The following MBOAT2 variants were observed in gnomAD, a reference collection of about 807,000 sequenced individuals.
MBOAT2 encodes the protein membrane bound glycerophospholipid O-acyltransferase 2, also known as membrane-bound glycerophospholipid O-acyltransferase 2.
A neutral mutation model predicts 63.4 loss-of-function variants in MBOAT2; 28 were observed. That is an observed-to-expected ratio of 0.44 (90% CI 0.33 to 0.61). The LOEUF is 0.61. Among genes scored for constraint, MBOAT2 ranks in the 20% least tolerant of loss-of-function variants. The pLI is 0.03. For missense variants in MBOAT2, 470 were observed against 605.8 expected, an observed-to-expected ratio of 0.78 and a Z score of 2.35; for synonymous variants, 211 against 215.6, an observed-to-expected ratio of 0.98 and a Z score of 0.19.
intron 3 of MBOAT2, among the ~76,000 whole-genome samples, chr2:8,912,399 GAAA>G (rs1665850867): frequency 6.7e-6 from 1 of 149,454 alleles, no homozygotes; most frequent in Non-Finnish European, 1.5e-5. Flanking sequence ...AAGAAAGAAA[GAAA>G]GAAAGAAAGA....
In MBOAT2 at chr2:8,864,370, A is replaced by C; in HGVS notation, c.988-136T>G. 9 of 454,914 alleles carry C rather than the reference A, an allele frequency of 2.0e-5. No individual in the cohort carries two copies. In the South Asian group the frequency reaches 3.7e-4, roughly 19 times the overall value. 28.2% of individuals were successfully genotyped at this position (454,914 alleles called of 1,614,324 possible). On this transcript the variant is annotated intron_variant, in intron 9 of 12. Transcript: ENST00000305997. ...TAGTATAGTGATTTCTCTTTCCTTA[A>C]TCTTGTTTTTCTAATGTGGTAACAT... is the stretch of plus-strand genomic sequence containing the variant.
chr2:8,894,072 G>T (rs998574550), intron 4 of MBOAT2, among the ~76,000 whole-genome samples: 1 of 152,038 alleles, frequency 6.6e-6, no homozygotes, highest in Non-Finnish European at 1.5e-5. Flanking sequence ...ATCTACATTA[G>T]GTATTTCTCC....
chr2:8,890,502 C>A (rs888496877), intron 4 of MBOAT2, among the ~76,000 whole-genome samples: 14 of 152,182 alleles, frequency 9.2e-5, no homozygotes, highest in Non-Finnish European at 1.9e-4. Context: ...CAGTGTCTGG[C>A]ACAAAATATG....
At chr2:8,888,122 CA>C (rs1163296046) in intron 4 of MBOAT2, 49 bp from the exon 5 acceptor site, 2 of 1,517,496 alleles carry the variant, frequency 1.3e-6, no homozygotes, top group Non-Finnish European at 1.8e-6. Flanking sequence ...AAAGTTAAAA[CA>C]ATACTTATGA....
chr2:8,871,101 A>AC (rs1465375739), intron 8 of MBOAT2, among the ~76,000 whole-genome samples: 1 of 151,832 alleles, frequency 6.6e-6, no homozygotes, highest in Non-Finnish European at 1.5e-5. Flanking sequence ...CTAAAGCGGT[A>AC]CTCCCACCTC....
At chr2:8,996,986 T>C (rs937949975) in intron 1 of MBOAT2, among the ~76,000 whole-genome samples, 2 of 152,030 alleles carry the variant, frequency 1.3e-5, no homozygotes, top group Non-Finnish European at 2.9e-5. Context: ...GGAAGGACGG[T>C]TAGGATTGGG....
chr2:8,956,385 G>C (rs1191653666), intron 2 of MBOAT2, among the ~76,000 whole-genome samples: 1 of 152,150 alleles, frequency 6.6e-6, no homozygotes, highest in African/African-American at 2.4e-5. Flanking sequence ...GAAAAAAATA[G>C]AGAACTCATT....
At chr2:8,897,101 A>C (rs1664536656) in intron 4 of MBOAT2, among the ~76,000 whole-genome samples, 1 of 152,220 alleles carries the variant, frequency 6.6e-6, no homozygotes, top group Non-Finnish European at 1.5e-5. Flanking sequence ...GGAAAGGGGT[A>C]CACTGTTTTT....
rs116013671 is a variant in MBOAT2 at position 8,878,712 on chromosome 2, C to G, written c.507-1499G>C. 6.6e-3 allele frequency among the ~76,000 whole-genome samples: 1,009 copies of G among 152,326 alleles called. 9 individuals carry two copies. Among genetic ancestry groups the G allele is most frequent in the Middle Eastern group, 0.024 (7 of 294 alleles). On this transcript the variant is annotated intron_variant, in intron 6 of 12. Transcript: ENST00000305997. Reference sequence around the variant, plus strand: ...AATAGTGATTCCTGTCCATCTGATACTATCTGGGTTACCACTCAGCCCAAA... The same window carrying G: ...AATAGTGATTCCTGTCCATCTGATAGTATCTGGGTTACCACTCAGCCCAAA...
At chr2:8,923,678 T>C (rs749012451) in intron 3 of MBOAT2, among the ~76,000 whole-genome samples, 2 of 152,216 alleles carry the variant, frequency 1.3e-5, no homozygotes, top group Non-Finnish European at 2.9e-5. Flanking sequence ...CTGGTAGCAT[T>C]ACTTTGCCAA....
intron 3 of MBOAT2, among the ~76,000 whole-genome samples, chr2:8,925,906 C>G (rs573330931): frequency 5.7e-4 from 87 of 152,284 alleles, no homozygotes; most frequent in African/African-American, 1.9e-3. Context: ...TCAATGACAT[C>G]TCATATTTAA....
At chr2:8,978,255 C>T (rs2103329082) in intron 1 of MBOAT2, among the ~76,000 whole-genome samples, 1 of 152,090 alleles carries the variant, frequency 6.6e-6, no homozygotes, top group East Asian at 1.9e-4. Context: ...CCAAAGCTGA[C>T]ACTTCCCCAC....
intron 3 of MBOAT2, among the ~76,000 whole-genome samples, chr2:8,934,887 T>C (rs1374922341): frequency 6.6e-6 from 1 of 152,204 alleles, no homozygotes; most frequent in East Asian, 1.9e-4. Flanking sequence ...TTCTGCCTGC[T>C]AGATGGCACT....
chr2:8,877,731 C>A (rs763462250), intron 6 of MBOAT2, among the ~76,000 whole-genome samples: 1 of 152,134 alleles, frequency 6.6e-6, no homozygotes, highest in Non-Finnish European at 1.5e-5. Flanking sequence ...CAGAGAAGGC[C>A]TCTCTGGTAA....
At chr2:8,949,520 T>C (rs544250816) in intron 2 of MBOAT2, among the ~76,000 whole-genome samples, 32 of 152,244 alleles carry the variant, frequency 2.1e-4, no homozygotes, top group Admixed American at 3.3e-4. Context: ...TTTTTGTACA[T>C]GGTGAAAGGT....
chr2:8,978,537 C>T (rs944071476), intron 1 of MBOAT2, among the ~76,000 whole-genome samples: 1 of 152,104 alleles, frequency 6.6e-6, no homozygotes, highest in Admixed American at 6.6e-5. Context: ...GTGATCCTTT[C>T]CTAATTTAAC....
At chr2:8,974,286 A>G (rs888565515) in intron 1 of MBOAT2, 6 of 444,220 alleles carry the variant, frequency 1.4e-5, no homozygotes, top group Admixed American at 4.8e-5. Context: ...ATTCTGTTCA[A>G]TGAGAAATAT....
intron 1 of MBOAT2, among the ~76,000 whole-genome samples, chr2:8,968,021 G>A (rs1484099003): frequency 6.6e-6 from 1 of 152,056 alleles, no homozygotes; most frequent in African/African-American, 2.4e-5. Context: ...ACTGAGCTCT[G>A]AAGAGAGTAG....
Position 8,877,070 on chromosome 2 carries a change from T to C in MBOAT2, c.650A>G (p.Lys217Arg). Residue 217 changes from lysine (K) to arginine (R), a missense_variant, in exon 7 of 13, where the codon AAA becomes AGA. Around this residue, in one of 3 missense-constraint regions of MBOAT2, gnomAD observed 376 missense variants for 503.8 expected, o/e 0.75. Coordinates refer to ENST00000305997, the MANE Select transcript of MBOAT2 (RefSeq NM_138799.4). ...YHITQSGENG[K>R]EETQYERTEP... ...TGTTCTTTCATACTGTGTCTCTTCT[T>C]TTCCATTTTCACCAGATTGTGTGAT... The C allele has an allele frequency of 1.2e-6, 2 of 1,613,690 alleles. No individual in the cohort carries two copies. The highest frequency in any genetic ancestry group is 1.7e-6 in the Non-Finnish European group (2 of 1,179,884).
Sources: gnomAD v4.1 joint callset for allele counts (sites outside exome capture counted in the v4.1 genomes callset) on GRCh38, gnomAD v4.1.1 for gene constraint, gnomAD v4.1.1 regional missense constraint, MANE v1.5 for transcripts, NCBI Gene and HGNC (gene_info 2026-07-23, HGNC 2026-07-21) for gene names.